The following NSD1 variants were observed in gnomAD, a reference collection of about 807,000 sequenced individuals.
NSD1 encodes the protein nuclear receptor binding SET domain protein 1.
In NSD1, 26 loss-of-function variants were observed where a neutral mutation model predicts 242.7. The observed-to-expected ratio is 0.11, with a 90% CI of 0.08 to 0.15. The LOEUF (loss-of-function observed/expected upper bound fraction) is 0.15, where lower values mean the gene tolerates loss of function less well. Ranked by LOEUF, NSD1 falls within the 10% of genes least tolerant of loss-of-function variation. The pLI, the probability that NSD1 is intolerant of heterozygous loss-of-function variation, is 1.00. For synonymous variants in NSD1, 1,106 were observed against 1,178.1 expected, an observed-to-expected ratio of 0.94 and a Z score of 1.25; for missense variants, 2,495 against 3,272.8, an observed-to-expected ratio of 0.76 and a Z score of 5.80.
chr5:177,148,488 G>T (rs1031097978), intron 2 of NSD1, among the ~76,000 whole-genome samples: 1 of 152,106 alleles, frequency 6.6e-6, no homozygotes, highest in Non-Finnish European at 1.5e-5. Flanking sequence ...GCAGTGGCGC[G>T]ATCCTGGCTC....
chr5:177,192,359 C>T (rs549015152), intron 3 of NSD1, among the ~76,000 whole-genome samples: 9 of 151,454 alleles, frequency 5.9e-5, no homozygotes, highest in African/African-American at 1.9e-4. Flanking sequence ...TACAGGCATC[C>T]GCCACCACGC....
chr5:177,281,378 T>G (rs1442374384), intron 18 of NSD1, among the ~76,000 whole-genome samples: 1 of 151,666 alleles, frequency 6.6e-6, no homozygotes, highest in African/African-American at 2.4e-5. Context: ...GGTTACATTT[T>G]CTGAAGAATT....
At chr5:177,155,147 T>G (rs1188740539) in intron 2 of NSD1, among the ~76,000 whole-genome samples, 1 of 151,924 alleles carries the variant, frequency 6.6e-6, no homozygotes, top group Non-Finnish European at 1.5e-5. Flanking sequence ...TGCCCCACCA[T>G]GCTTGGCTAA....
Position 177,267,102 on chromosome 5 carries a change from C to T in NSD1, c.5147-460C>T, listed in dbSNP as rs141569575. 3.0e-4 allele frequency among the ~76,000 whole-genome samples: 46 copies of T among 152,310 alleles called. No homozygotes were observed. The East Asian group carries it at 7.9e-3, about 26-fold the overall frequency. On this transcript the variant is annotated intron_variant, in intron 14 of 22. Transcript: ENST00000439151. ...CTAACTCCTGACCTCAGGTGATCCACCTGCTGCAGCCTTCCAAAGTGCTGG... is the reference window on the plus strand; with the variant it reads ...CTAACTCCTGACCTCAGGTGATCCATCTGCTGCAGCCTTCCAAAGTGCTGG...
chr5:177,150,934 T>G (rs1268975597), intron 2 of NSD1, among the ~76,000 whole-genome samples: 1 of 152,244 alleles, frequency 6.6e-6, no homozygotes, highest in Non-Finnish European at 1.5e-5. Context: ...AAGCATTTCT[T>G]TTTAAAAATA....
At chr5:177,167,245 T>A (rs913629807) in intron 2 of NSD1, among the ~76,000 whole-genome samples, 1 of 151,954 alleles carries the variant, frequency 6.6e-6, no homozygotes, top group East Asian at 1.9e-4. Context: ...GTCAAAAATT[T>A]ATTGAATATG....
chr5:177,290,074 C>T (rs1326857735), intron 21 of NSD1, among the ~76,000 whole-genome samples: 2 of 151,420 alleles, frequency 1.3e-5, no homozygotes, highest in Non-Finnish European at 1.5e-5. Context: ...GTGATCCGCC[C>T]GCCTTAGCCT....
At chr5:177,251,971 A>G in intron 12 of NSD1, 118 bp downstream of exon 12, 1 of 1,277,774 alleles carries the variant, frequency 7.8e-7, no homozygotes, top group Non-Finnish European at 1.1e-6. Flanking sequence ...TTACAGATAT[A>G]GAAATGGTGC....
chr5:177,163,554 A>G lies in NSD1; in HGVS notation c.927+27524A>G, dbSNP rs866092722. Among the ~76,000 whole-genome samples, 20 of 152,294 alleles carry G rather than the reference A, an allele frequency of 1.3e-4. No homozygotes were observed. In the Middle Eastern group the frequency reaches 0.01, roughly 78 times the overall value. On this transcript the variant is annotated intron_variant, in intron 2 of 22. Transcript: ENST00000439151. ...TGAGTCCCGTGCTTGCCTTAGACAA[A>G]GAACCTCTCAACCTTAGTTTTTAAT...
intron 2 of NSD1, among the ~76,000 whole-genome samples, chr5:177,152,130 G>A (rs538032846): frequency 4.4e-4 from 67 of 152,190 alleles, no homozygotes; most frequent in Middle Eastern, 3.4e-3. Context: ...AAAGTGCTGG[G>A]ATTACAGGTG....
Position 177,134,951 on chromosome 5 carries a change from C to CG in NSD1, c.-17-131dup, listed in dbSNP as rs1157552385. ...TCGAGGCCATTTTTTCATCTCCAGTCGGGGGAACTTTTTCTGCCCATGGAA... is the reference window on the plus strand; with the variant it reads ...TCGAGGCCATTTTTTCATCTCCAGTCGGGGGGAACTTTTTCTGCCCATGGAA... On this transcript the variant is annotated intron_variant, in intron 1 of 22. Transcript: ENST00000439151. This position sits in a 1 kb window ranked among gnomAD's most constrained non-coding sequence, Gnocchi z 4.2. 5.5e-6 allele frequency: 4 copies of CG among 722,880 alleles called. No homozygotes were observed. The highest frequency in any genetic ancestry group is 9.3e-6 in the Non-Finnish European group (4 of 429,754). 44.8% of individuals were successfully genotyped at this position (722,880 alleles called of 1,614,324 possible).
chr5:177,217,657 C>T (rs1287637744), intron 5 of NSD1, among the ~76,000 whole-genome samples: 2 of 145,732 alleles, frequency 1.4e-5, no homozygotes, highest in Middle Eastern at 3.5e-3. Context: ...TTTTGGACAG[C>T]GTCACATTCT....
At chr5:177,182,151 CAAA>C (rs35298464) in intron 2 of NSD1, among the ~76,000 whole-genome samples, 10 of 119,476 alleles carry the variant, frequency 8.4e-5, no homozygotes, top group African/African-American at 1.2e-4. Context: ...GACTCCGTCT[CAAA>C]AAAAAAAAAA....
Position 177,246,668 on chromosome 5 carries a change from C to T in NSD1, c.4379-10C>T. 6.3e-7 allele frequency: 1 copy of T among 1,595,056 alleles called. No individual in the cohort carries two copies. The highest frequency in any genetic ancestry group is 8.6e-7 in the Non-Finnish European group (1 of 1,162,644). Reference sequence around the variant, plus strand: ...GTAGCCAGCAGTTAACACCTATTTTCCTGTCATAGGCACTACCAAGATATT... The same window carrying T: ...GTAGCCAGCAGTTAACACCTATTTTTCTGTCATAGGCACTACCAAGATATT... On this transcript the variant is annotated splice_polypyrimidine_tract_variant and intron_variant, in intron 9 of 22. Transcript: ENST00000439151.
Position 177,198,527 on chromosome 5 carries a change from A to T in NSD1, c.1064-5593A>T, listed in dbSNP as rs141846131. Among the ~76,000 whole-genome samples, 496 of 152,228 alleles carry T rather than the reference A, an allele frequency of 3.3e-3. 3 individuals are homozygous for T. The highest frequency in any genetic ancestry group is 0.011 in the African/African-American group (462 of 41,538). ...CATGAGGTCACCTCCATCATGAGGG[A>T]CCTATTACTAATCTAGTAATAGTAT... is the stretch of plus-strand genomic sequence containing the variant. On this transcript the variant is annotated intron_variant, in intron 3 of 22. Coordinates refer to ENST00000439151, the MANE Select transcript of NSD1 (RefSeq NM_022455.5).
intron 20 of NSD1, 21 bp downstream of exon 20, chr5:177,283,949 C>A: frequency 6.2e-7 from 1 of 1,614,040 alleles, no homozygotes; most frequent in East Asian, 2.2e-5. Flanking sequence ...TTTCAGGATT[C>A]TGCAGCTGAC....
chr5:177,218,946 A>G (rs1266481699), intron 5 of NSD1, among the ~76,000 whole-genome samples: 1 of 151,184 alleles, frequency 6.6e-6, no homozygotes, highest in Non-Finnish European at 1.5e-5. Context: ...TTGATATACT[A>G]GTATTTTGTT....
chr5:177,168,673 C>G (rs1336918381), intron 2 of NSD1, among the ~76,000 whole-genome samples: 1 of 152,054 alleles, frequency 6.6e-6, no homozygotes, highest in Non-Finnish European at 1.5e-5. Context: ...GTTGGTCAGG[C>G]TGGTCTCGAA....
intron 15 of NSD1, among the ~76,000 whole-genome samples, chr5:177,268,963 T>C (rs1356935648): frequency 2.0e-5 from 3 of 152,180 alleles, no homozygotes; most frequent in Non-Finnish European, 4.4e-5. Flanking sequence ...TATAAGTATA[T>C]ACTTATATAC....
Sources: allele counts gnomAD v4.1 joint callset (sites outside exome capture counted in the v4.1 genomes callset), GRCh38; gene constraint gnomAD v4.1.1; non-coding constraint Gnocchi (gnomAD v3.1); transcripts MANE v1.5; gene names NCBI Gene and HGNC (gene_info 2026-07-23, HGNC 2026-07-21).